DNAH8: variants seen among roughly 807,000 people sequenced by gnomAD.
DNAH8 encodes the protein axonemal beta dynein heavy chain 8.
In DNAH8, 382 loss-of-function variants were observed where a neutral mutation model predicts 562.1. That is an observed-to-expected ratio of 0.68 (90% CI 0.63 to 0.74). The LOEUF (loss-of-function observed/expected upper bound fraction) is 0.74. Among genes scored for constraint, DNAH8 ranks in the 30% least tolerant of loss-of-function variants. The pLI, the probability that DNAH8 is intolerant of heterozygous loss-of-function variation, is 0.00. For synonymous variants in DNAH8, 1,881 were observed against 1,919.4 expected (o/e 0.98, Z 0.52); for missense variants, 5,203 against 5,620.4 (o/e 0.93, Z 2.37).
chr6:38,979,196 C>G (rs1207488274), intron 85 of DNAH8, among the ~76,000 whole-genome samples: 2 of 152,236 alleles, frequency 1.3e-5, no homozygotes, highest in Non-Finnish European at 2.9e-5. Context: ...TTCCCAGAAG[C>G]CTCTGATTGA....
chr6:38,974,185 A>G (rs1179542578), intron 84 of DNAH8, among the ~76,000 whole-genome samples, 189 bp from the exon 85 acceptor site: 1 of 152,194 alleles, frequency 6.6e-6, no homozygotes, highest in Non-Finnish European at 1.5e-5. Flanking sequence ...AAACATTCTC[A>G]ATGCCAATAG....
chr6:39,022,106 A>G (rs2150791495), intron 91 of DNAH8, among the ~76,000 whole-genome samples: 1 of 152,366 alleles, frequency 6.6e-6, no homozygotes, highest in Non-Finnish European at 1.5e-5. Context: ...AAAAGAAAGA[A>G]AACAGGAAAC....
intron 23 of DNAH8, among the ~76,000 whole-genome samples, chr6:38,807,304 G>A (rs2150306094): frequency 6.6e-6 from 1 of 152,226 alleles, no homozygotes; most frequent in South Asian, 2.1e-4. Context: ...ATTTTGTTAG[G>A]TGAAAATTGA....
intron 88 of DNAH8, among the ~76,000 whole-genome samples, chr6:38,990,662 G>A (rs1301856392): frequency 6.6e-6 from 1 of 152,162 alleles, no homozygotes; most frequent in East Asian, 1.9e-4. Context: ...GTCATGCACT[G>A]CCTGTGGTGG....
intron 11 of DNAH8, among the ~76,000 whole-genome samples, chr6:38,769,209 C>G (rs558104139): frequency 6.6e-6 from 1 of 152,042 alleles, no homozygotes; most frequent in Non-Finnish European, 1.5e-5. Context: ...TATTCAGAGC[C>G]AACTCATTTA....
In DNAH8 at chr6:38,929,692, AGAAAGAAAGAAAGAAAAG is replaced by A; in HGVS notation, c.11274+27_11274+44del. ...GTGAGCTTTGTAAAAAAAAAAAAAA[AGAAAGAAAGAAAGAAAAG>A]AAAAAGAAAAAAAGAAAAAAATTAA... is the stretch of plus-strand genomic sequence containing the variant. On this transcript the variant is annotated intron_variant, in intron 75 of 92. Transcript: ENST00000327475. The A allele has an allele frequency of 4.2e-6, 6 of 1,420,190 alleles. No homozygotes were observed. In the East Asian group the frequency reaches 7.5e-5, roughly 18 times the overall value. 88.0% of individuals were successfully genotyped at this position (1,420,190 alleles called of 1,614,324 possible).
At chr6:38,763,000 C>T in intron 11 of DNAH8, 2 of 394,708 alleles carry the variant, frequency 5.1e-6, no homozygotes, top group South Asian at 2.1e-5. Flanking sequence ...TTGGACTTAG[C>T]CATGTAAGAT....
rs1738210 is a variant in DNAH8 at position 38,823,779 on chromosome 6, C to T, written c.3847+91C>T. The T allele has an allele frequency of 0.17, 120,939 of 731,970 alleles. 11,951 individuals carry two copies. Among genetic ancestry groups the T allele is most frequent in the African/African-American group, 0.36 (20,078 of 56,118 alleles). 45.3% of individuals were successfully genotyped at this position (731,970 alleles called of 1,614,324 possible). A position where few individuals can be genotyped will look rare whatever the true frequency, so the allele number is the denominator to read the frequency against. On this transcript the variant is annotated intron_variant, in intron 28 of 92. Transcript: ENST00000327475. Reference sequence around the variant, plus strand: ...AAGCAGTTATTAAGTTATCTTGGTACAATAGTATTATACCAAGATATAATA... The same window carrying T: ...AAGCAGTTATTAAGTTATCTTGGTATAATAGTATTATACCAAGATATAATA...
At chr6:38,953,628 A>G (rs1762064414) in intron 82 of DNAH8, among the ~76,000 whole-genome samples, 1 of 152,218 alleles carries the variant, frequency 6.6e-6, no homozygotes. Context: ...AAACAATTCT[A>G]CTGCCAAATC....
chr6:39,013,320 C>T (rs777290677), intron 91 of DNAH8, among the ~76,000 whole-genome samples: 18 of 152,160 alleles, frequency 1.2e-4, no homozygotes, highest in Non-Finnish European at 2.4e-4. Context: ...GGTTCAGCAG[C>T]TTATGGCTCC....
chr6:38,720,083 G>A (rs1255893194), intron 1 of DNAH8, among the ~76,000 whole-genome samples: 1 of 152,226 alleles, frequency 6.6e-6, no homozygotes, highest in Middle Eastern at 3.4e-3. Flanking sequence ...ACCTCAGTCT[G>A]CCTGGCACCA....
At chr6:38,887,152 A>G in intron 57 of DNAH8, 148 bp downstream of exon 57, 1 of 606,818 alleles carries the variant, frequency 1.6e-6, no homozygotes, top group East Asian at 2.8e-5. Context: ...GGGACTAAAT[A>G]CTAAGGTGAC....
At chr6:38,928,353 G>A (rs7774152) in intron 74 of DNAH8, among the ~76,000 whole-genome samples, 5,254 of 152,224 alleles carry the variant, frequency 0.035, 259 homozygotes, top group African/African-American at 0.11. Context: ...TTTACCCCTT[G>A]AGAAATAAAG....
Position 38,741,709 on chromosome 6 carries a change from A to G in DNAH8, c.1117-2A>G, listed in dbSNP as rs750127269. On this transcript the variant is annotated splice_acceptor_variant, in intron 7 of 92. Coordinates refer to ENST00000327475, the MANE Select transcript of DNAH8 (RefSeq NM_001206927.2). LOFTEE classifies it high-confidence loss of function. ...ATATTTTATAAATTTTTTTGACTGCAGGTACTTATTGAGAGTGAGCAGATG... is the reference window on the plus strand; with the variant it reads ...ATATTTTATAAATTTTTTTGACTGCGGGTACTTATTGAGAGTGAGCAGATG... 1.3e-6 allele frequency: 2 copies of G among 1,594,192 alleles called. No homozygotes were observed. The highest frequency in any genetic ancestry group is 1.7e-6 in the Non-Finnish European group (2 of 1,173,644).
At position 38,838,021 on chromosome 6, in the gene DNAH8, A is replaced by T; in HGVS notation, c.4445A>T (p.Tyr1482Phe). 6.2e-7 allele frequency: 1 copy of T among 1,611,302 alleles called. No individual in the cohort carries two copies. ...CTTTTTGGATTGCCTGTGACTGATTATGAGGTTTTACACAAAACCAGGTAA... is the reference window on the plus strand; with the variant it reads ...CTTTTTGGATTGCCTGTGACTGATTTTGAGGTTTTACACAAAACCAGGTAA... ...EQLFGLPVTD[Y>F]EVLHKTRKEL... Residue 1482 changes from tyrosine to phenylalanine, a missense_variant, in exon 33 of 93, where the codon TAT becomes TTT. By Grantham distance (22) the Tyr-to-Phe change is conservative. Transcript: ENST00000327475.
In DNAH8 at chr6:38,822,976, T is replaced by G. The variant is rs868651177; in HGVS notation, c.3662T>G (p.Leu1221Arg). 1.9e-6 allele frequency: 3 copies of G among 1,612,288 alleles called. No individual in the cohort carries two copies. In the Middle Eastern group the frequency reaches 5.0e-4, roughly 267 times the overall value. ...NSLRKAAHEA[L>R]QDFQKYKTLW... Reference sequence around the variant, plus strand: ...CTAAGAAAGGCAGCTCATGAGGCCCTGCAGGACTTTCAGAAGTACAAGACT... The same window carrying G: ...CTAAGAAAGGCAGCTCATGAGGCCCGGCAGGACTTTCAGAAGTACAAGACT... The change falls in exon 27 of 93, where the codon CTG (leucine) becomes CGG (arginine). Residue 1221 changes from leucine (L) to arginine (R), a missense_variant. Physicochemically the swap from Leu to Arg is moderately radical, Grantham distance 102 (BLOSUM62 -2). This residue lies in a region of DNAH8 where 2,176 missense variants were observed against 2,365.1 expected (regional missense o/e 0.92). Transcript: ENST00000327475.
At chr6:38,803,916 C>T (rs968043655) in intron 22 of DNAH8, among the ~76,000 whole-genome samples, 1 of 152,100 alleles carries the variant, frequency 6.6e-6, no homozygotes, top group African/African-American at 2.4e-5. Flanking sequence ...GTATTCTCCA[C>T]CATCCATTCC....
intron 65 of DNAH8, 141 bp downstream of exon 65, chr6:38,909,885 C>G (rs565948201): frequency 2.6e-6 from 2 of 758,882 alleles, no homozygotes; most frequent in Admixed American, 2.8e-5. Context: ...CTTTGATTTT[C>G]TAGTGACTAT....
At chr6:38,942,483 G>T (rs1034831066) in intron 79 of DNAH8, among the ~76,000 whole-genome samples, 1 of 152,164 alleles carries the variant, frequency 6.6e-6, no homozygotes, top group Non-Finnish European at 1.5e-5. Context: ...GAGAGTGCCG[G>T]AGAAACTCCC....
Sources: allele counts gnomAD v4.1 joint callset (sites outside exome capture counted in the v4.1 genomes callset), GRCh38; gene constraint gnomAD v4.1.1; regional missense constraint gnomAD v4.1.1; transcripts MANE v1.5; gene names NCBI Gene and HGNC (gene_info 2026-07-23, HGNC 2026-07-21).